The following CDON variants were observed in gnomAD, a reference collection of about 807,000 sequenced individuals.
CDON encodes cell adhesion molecule-related/down-regulated by oncogenes.
A neutral mutation model predicts 120.9 loss-of-function variants in CDON; 73 were observed. The ratio of observed to expected loss-of-function variants is 0.60; its 90% confidence interval spans 0.50 to 0.73. CDON has a LOEUF of 0.73. Among genes scored for constraint, CDON ranks in the 30% least tolerant of loss-of-function variants. The pLI is 0.00. For missense variants in CDON, 1,470 were observed against 1,587.3 expected (o/e 0.93, Z 1.26); for synonymous variants, 566 against 573.5 (o/e 0.99, Z 0.19).
At position 125,960,890 on chromosome 11, in the gene CDON, T is replaced by C; in HGVS notation, c.*52A>G. On this transcript the variant is annotated 3_prime_UTR_variant, in exon 20 of 20. Coordinates refer to ENST00000531738, the MANE Select transcript of CDON (RefSeq NM_001378964.1). ...TCACACAGTTCGCTCCCAGGCCTGT[T>C]GTGTGCAGTTACCGGCTTGAAGTTG... 6.4e-7 allele frequency: 1 copy of C among 1,558,658 alleles called. No individual in the cohort carries two copies. Among genetic ancestry groups the C allele is most frequent in the Non-Finnish European group, 8.8e-7 (1 of 1,130,564 alleles).
In CDON at chr11:125,983,968, G is replaced by A; in HGVS notation, c.2899C>T (p.Leu967=). The A allele has an allele frequency of 6.2e-7, 1 of 1,614,142 alleles. No individual in the cohort carries two copies. Among genetic ancestry groups the A allele is most frequent in the South Asian group, 1.1e-5 (1 of 91,080 alleles). The stretch of plus-strand genomic sequence containing the variant: ...ACGCCCAGCACACAGCCAACGATCA[G>A]ATATAACATGTCACTGCTTCTGGCA... ...SPARSSDMLY[L]IVGCVLGVMV... is the part of the protein sequence containing the mutation. Residue 967 remains leucine (L), a synonymous_variant, in exon 16 of 20, where the codon CTG becomes TTG. Coordinates refer to ENST00000531738, the MANE Select transcript of CDON (RefSeq NM_001378964.1).
At chr11:125,969,226 G>A (rs1237160609) in intron 18 of CDON, among the ~76,000 whole-genome samples, 2 of 152,146 alleles carry the variant, frequency 1.3e-5, no homozygotes, top group African/African-American at 4.8e-5. Flanking sequence ...TTGAACTCCC[G>A]ACCTCAGGTG....
rs1434243441 is a variant in CDON at position 126,027,520 on chromosome 11, G to A, written c.-61-3983C>T. ...TTCATATGTGTGTGTATATATACAT[G>A]CAAATGCATGTGTGTGTACTTAAGT... On this transcript the variant is annotated intron_variant, in intron 1 of 19. Coordinates refer to ENST00000531738, the MANE Select transcript of CDON (RefSeq NM_001378964.1). 3.9e-5 allele frequency among the ~76,000 whole-genome samples: 6 copies of A among 152,090 alleles called. No homozygotes were observed. The East Asian group carries it at 1.2e-3, about 29-fold the overall frequency.
rs145764698 is a variant in CDON at position 126,048,490 on chromosome 11, T to C, written c.-62+14089A>G. On this transcript the variant is annotated intron_variant, in intron 1 of 19. Transcript: ENST00000531738. ...AGATATGCTATTACAATCATCCAAATCATATTTTATAGTTAGAAGGCAAAG... is the reference window on the plus strand; with the variant it reads ...AGATATGCTATTACAATCATCCAAACCATATTTTATAGTTAGAAGGCAAAG... 1.4e-3 allele frequency among the ~76,000 whole-genome samples: 214 copies of C among 152,190 alleles called. 5 individuals are homozygous for C. The highest frequency in any genetic ancestry group is 5.0e-3 in the African/African-American group (209 of 41,522).
At chr11:126,041,611 T>C (rs1948265144) in intron 1 of CDON, among the ~76,000 whole-genome samples, 1 of 152,218 alleles carries the variant, frequency 6.6e-6, no homozygotes, top group Non-Finnish European at 1.5e-5. Flanking sequence ...ATAGGATAAC[T>C]TCTTAGGATA....
chr11:126,026,754 T>C (rs1272549464), intron 1 of CDON, among the ~76,000 whole-genome samples: 2 of 152,216 alleles, frequency 1.3e-5, no homozygotes, highest in Non-Finnish European at 2.9e-5. Flanking sequence ...TTGGTTTATT[T>C]GAATTCTCAC....
At chr11:125,970,624 C>T (rs188287102) in intron 18 of CDON, among the ~76,000 whole-genome samples, 16 of 152,318 alleles carry the variant, frequency 1.1e-4, no homozygotes, top group East Asian at 5.8e-4. Context: ...CTTCCCTTCT[C>T]GATATCTGCT....
intron 8 of CDON, among the ~76,000 whole-genome samples, chr11:126,009,060 G>A (rs934147168): frequency 2.0e-5 from 3 of 152,140 alleles, no homozygotes; most frequent in Admixed American, 2.0e-4. Context: ...ACACAGATGA[G>A]GAAACAGAAC....
chr11:125,999,650 C>A (rs1030602586), intron 11 of CDON, among the ~76,000 whole-genome samples: 1 of 152,190 alleles, frequency 6.6e-6, no homozygotes, highest in African/African-American at 2.4e-5. Context: ...CTGGTGCCCA[C>A]ACCCAATCCA....
intron 18 of CDON, among the ~76,000 whole-genome samples, chr11:125,971,406 A>AT (rs757429723): frequency 2.7e-5 from 4 of 149,346 alleles, no homozygotes; most frequent in African/African-American, 1.0e-4. Context: ...AAATAAATAA[A>AT]TAAATAATAA....
chr11:125,967,872 C>A (rs1945848741), intron 18 of CDON, among the ~76,000 whole-genome samples: 1 of 152,114 alleles, frequency 6.6e-6, no homozygotes, highest in East Asian at 1.9e-4. Flanking sequence ...GCACGTGCTA[C>A]CATTCCTGAA....
At chr11:126,037,830 A>AT (rs1948142555) in intron 1 of CDON, among the ~76,000 whole-genome samples, 1 of 152,012 alleles carries the variant, frequency 6.6e-6, no homozygotes, top group Non-Finnish European at 1.5e-5. Context: ...AGGAAAAAAA[A>AT]CTCCACAGTT....
chr11:126,004,110 CAGG>C, intron 9 of CDON, 34 bp from the exon 10 acceptor site: 1 of 1,604,376 alleles, frequency 6.2e-7, no homozygotes, highest in Non-Finnish European at 8.5e-7. Context: ...AAAAGAAAAG[CAGG>C]AGATGGAGGA....
At chr11:125,970,413 T>TC (rs2134382243) in intron 18 of CDON, among the ~76,000 whole-genome samples, 2 of 152,194 alleles carry the variant, frequency 1.3e-5, no homozygotes, top group South Asian at 2.1e-4. Flanking sequence ...GACCTCGTGA[T>TC]CTGCCTGCTT....
intron 1 of CDON, among the ~76,000 whole-genome samples, chr11:126,058,459 T>C (rs1016651115): frequency 6.6e-6 from 1 of 152,186 alleles, no homozygotes; most frequent in African/African-American, 2.4e-5. Context: ...AGGATTAAGG[T>C]GGAAAAAAGC....
At chr11:125,980,952 G>A (rs1210461469) in intron 17 of CDON, 97 bp downstream of exon 17, 28 of 1,243,680 alleles carry the variant, frequency 2.3e-5, no homozygotes, top group Non-Finnish European at 2.9e-5. Context: ...AAACTTGTGA[G>A]GTTTCTATAC....
At chr11:125,985,591 G>C (rs918525462) in intron 15 of CDON, among the ~76,000 whole-genome samples, 2 of 152,190 alleles carry the variant, frequency 1.3e-5, no homozygotes, top group African/African-American at 4.8e-5. Flanking sequence ...GGCTCAGAGT[G>C]GTGGTCAATC....
At chr11:125,977,952 TCATAACATCC>T (rs1366742351) in intron 18 of CDON, among the ~76,000 whole-genome samples, 1 of 152,022 alleles carries the variant, frequency 6.6e-6, no homozygotes, top group African/African-American at 2.4e-5. Context: ...TCATTCATCC[TCATAACATCC>T]CATAACATAG....
intron 8 of CDON, among the ~76,000 whole-genome samples, chr11:126,009,993 C>G (rs1311838229): frequency 1.3e-5 from 2 of 152,092 alleles, no homozygotes; most frequent in African/African-American, 4.8e-5. Flanking sequence ...CCTTTAGACC[C>G]AATACTGTAG....
Sources: gnomAD v4.1 joint callset for allele counts (sites outside exome capture counted in the v4.1 genomes callset) on GRCh38, gnomAD v4.1.1 for gene constraint, MANE v1.5 for transcripts, NCBI Gene and HGNC (gene_info 2026-07-23, HGNC 2026-07-21) for gene names.